The following SLC48A1 variants were observed in gnomAD, a reference collection of about 807,000 sequenced individuals.
SLC48A1 encodes heme transporter HRG1.
A neutral mutation model predicts 14.8 loss-of-function variants in SLC48A1; 6 were observed. That is an observed-to-expected ratio of 0.41 (90% CI 0.22 to 0.80). The LOEUF (loss-of-function observed/expected upper bound fraction) is 0.80. Ranked by LOEUF, SLC48A1 falls within the 30% of genes least tolerant of loss-of-function variation. The pLI, the probability that SLC48A1 is intolerant of heterozygous loss-of-function variation, is 0.34. For synonymous variants in SLC48A1, 89 were observed against 90.0 expected (o/e 0.99, Z 0.06); for missense variants, 165 against 204.8 (o/e 0.81, Z 1.19).
chr12:47,754,686 T>A (rs1941949838), upstream of SLC48A1, among the ~76,000 whole-genome samples: 2 of 152,248 alleles, frequency 1.3e-5, no homozygotes, highest in Admixed American at 1.3e-4. Flanking sequence ...GTAAGTTTAG[T>A]TGACTTGATC....
chr12:47,776,639 G>A (rs1942761037), intron 1 of SLC48A1, among the ~76,000 whole-genome samples: 1 of 152,170 alleles, frequency 6.6e-6, no homozygotes, highest in Admixed American at 6.5e-5. Flanking sequence ...CTGGAGCAAG[G>A]TTGAGGGAAG....
chr12:47,773,436 C>T lies in SLC48A1; in HGVS notation c.132C>T (p.Leu44=), dbSNP rs926403086. Residue 44 remains leucine (L), a synonymous_variant, in exon 1 of 3, where the codon CTC becomes CTT. Coordinates refer to ENST00000442218, the MANE Select transcript of SLC48A1 (RefSeq NM_017842.3). Reference sequence around the variant, plus strand: ...CGGGGACCGCGGCCATGGGAGGGCTCGCAGGTACCCCGGGACGCTGGGCGG... The same window carrying T: ...CGGGGACCGCGGCCATGGGAGGGCTTGCAGGTACCCCGGGACGCTGGGCGG... The part of the protein sequence containing the change: ...RQPGTAAMGG[L]AGVLALWVLV... 5.0e-6 allele frequency: 7 copies of T among 1,407,606 alleles called. No homozygotes were observed. The African/African-American group carries it at 1.1e-4, about 21-fold the overall frequency. The allele number at this position is 1,407,606 out of a possible 1,614,324, so 87.2% of individuals were successfully genotyped here.
intron 2 of SLC48A1, 142 bp from the exon 3 acceptor site, chr12:47,780,003 A>T: frequency 9.3e-7 from 1 of 1,070,592 alleles, no homozygotes; most frequent in Non-Finnish European, 1.3e-6. Flanking sequence ...AACCTCCATC[A>T]CAGTGTCTTT....
At chr12:47,765,457 C>G (rs1186240051) in intron 2 of SLC48A1, among the ~76,000 whole-genome samples, 1 of 152,222 alleles carries the variant, frequency 6.6e-6, no homozygotes, top group Non-Finnish European at 1.5e-5. Flanking sequence ...GAGCCTGGTC[C>G]GTGAGCTCTG....
chr12:47,777,876 C>T lies in SLC48A1; in HGVS notation c.137-1152C>T, dbSNP rs1054122218. On this transcript the variant is annotated intron_variant, in intron 1 of 2. Transcript: ENST00000442218. The surrounding 1 kb of genome is among the most constrained non-coding windows in gnomAD (Gnocchi z 4.5). ...AACTTCCCTTCCTTGTCTCCATTGCCAGAGATAACCACTTTCCCCAACCAG... is the reference window on the plus strand; with the variant it reads ...AACTTCCCTTCCTTGTCTCCATTGCTAGAGATAACCACTTTCCCCAACCAG... Among the ~76,000 whole-genome samples, 4 of 152,162 alleles carry T rather than the reference C, an allele frequency of 2.6e-5. No homozygotes were observed. The highest frequency in any genetic ancestry group is 6.5e-5 in the Admixed American group (1 of 15,268).
intron 2 of SLC48A1, among the ~76,000 whole-genome samples, chr12:47,760,556 G>C (rs933837782): frequency 6.6e-6 from 1 of 152,130 alleles, no homozygotes; most frequent in African/African-American, 2.4e-5. Flanking sequence ...CCCTTACTCT[G>C]GGCAGGTGGA....
upstream of SLC48A1, chr12:47,758,216 G>A: frequency 7.0e-7 from 1 of 1,438,262 alleles, no homozygotes; most frequent in Non-Finnish European, 9.1e-7. Context: ...CCTGCCAGGA[G>A]CTGGGGGGAG....
intron 1 of SLC48A1, among the ~76,000 whole-genome samples, chr12:47,776,986 G>C (rs917030026): frequency 3.3e-4 from 51 of 152,304 alleles, no homozygotes; most frequent in African/African-American, 1.2e-3. Flanking sequence ...AGGAGACAGA[G>C]GGCGAGGGGA....
upstream of SLC48A1, among the ~76,000 whole-genome samples, chr12:47,767,419 C>T (rs915142226): frequency 1.3e-5 from 2 of 152,158 alleles, no homozygotes; most frequent in East Asian, 3.8e-4. Context: ...AGGCACCTGG[C>T]GTTATACTAG....
At chr12:47,773,161 C>T (rs1215350583), upstream of SLC48A1, 1 of 980,436 alleles carries the variant, frequency 1.0e-6, no homozygotes, top group African/African-American at 1.8e-5. Flanking sequence ...GGGCGCTGTG[C>T]GGGCGGCGCT....
intron 1 of SLC48A1, among the ~76,000 whole-genome samples, chr12:47,774,982 G>A (rs570596344): frequency 6.6e-6 from 1 of 152,222 alleles, no homozygotes; most frequent in Non-Finnish European, 1.5e-5. Context: ...TGCGAAGACC[G>A]AAGGCAAGAG....
chr12:47,773,613 T>C (rs1942675441), intron 1 of SLC48A1, among the ~76,000 whole-genome samples, 173 bp downstream of exon 1: 1 of 151,674 alleles, frequency 6.6e-6, no homozygotes, highest in Non-Finnish European at 1.5e-5. Context: ...CTCCTGGGCA[T>C]TCCTGGGTGC....
intron 1 of SLC48A1, 65 bp from the exon 2 acceptor site, chr12:47,778,963 G>C (rs1182813633): frequency 2.0e-6 from 3 of 1,484,748 alleles, no homozygotes; most frequent in Non-Finnish European, 1.8e-6. Context: ...AAATAGGCCT[G>C]GTCTAGTGGA....
intron 1 of SLC48A1, among the ~76,000 whole-genome samples, chr12:47,776,455 G>C (rs548897348): frequency 1.1e-4 from 16 of 152,022 alleles, no homozygotes; most frequent in African/African-American, 3.9e-4. Flanking sequence ...ATTGCCTCCT[G>C]CCTGATGTGT....
intron 1 of SLC48A1, among the ~76,000 whole-genome samples, chr12:47,773,822 A>G (rs1942681882): frequency 6.6e-6 from 1 of 151,922 alleles, no homozygotes; most frequent in Non-Finnish European, 1.5e-5. Flanking sequence ...ACACACACAC[A>G]CACACACGCA....
At chr12:47,757,702 C>T (rs952883710), upstream of SLC48A1, among the ~76,000 whole-genome samples, 6 of 152,162 alleles carry the variant, frequency 3.9e-5, no homozygotes, top group African/African-American at 1.4e-4. Context: ...TGTGAGCCAC[C>T]CACGCACACT....
chr12:47,775,327 C>T (rs916688919), intron 1 of SLC48A1, among the ~76,000 whole-genome samples: 5 of 152,234 alleles, frequency 3.3e-5, no homozygotes, highest in Admixed American at 2.6e-4. Flanking sequence ...GCCTATGAGG[C>T]AGGCCAGCTG....
chr12:47,761,210 A>AT (rs1264339810), intron 2 of SLC48A1, among the ~76,000 whole-genome samples: 1 of 151,148 alleles, frequency 6.6e-6, no homozygotes, highest in African/African-American at 2.4e-5. Context: ...AAAAAAAAAA[A>AT]AAGGCAGGGG....
rs1592590786 is a variant in SLC48A1, at chr12:47,759,317, C to T, written c.-373+657C>T. The stretch of plus-strand genomic sequence containing the variant: ...GCCTCCTGTTTCGGTTCAGGGTCTC[C>T]AGCCGCCCGGGGGAGGGAATAGGCG... On this transcript the variant is annotated intron_variant, in intron 1 of 4. Coordinates refer to the SLC48A1 transcript ENST00000547002. Among the ~76,000 whole-genome samples, 6 of 152,350 alleles carry T rather than the reference C, an allele frequency of 3.9e-5. 1 individual carries two copies. The highest frequency in any genetic ancestry group is 1.4e-4 in the African/African-American group (6 of 41,584).
Sources: gnomAD v4.1 joint callset for allele counts (sites outside exome capture counted in the v4.1 genomes callset) on GRCh38, gnomAD v4.1.1 for gene constraint, Gnocchi (gnomAD v3.1) non-coding constraint, MANE v1.5 for transcripts, NCBI Gene and HGNC (gene_info 2026-07-23, HGNC 2026-07-21) for gene names.